MAGI2: variants seen among roughly 807,000 people sequenced by gnomAD.
The protein encoded by MAGI2 is membrane-associated guanylate kinase, WW and PDZ domain-containing protein 2.
A neutral mutation model predicts 133.3 loss-of-function variants in MAGI2; 35 were observed. That is an observed-to-expected ratio of 0.26 (90% confidence interval 0.20 to 0.35). The LOEUF (loss-of-function observed/expected upper bound fraction) is 0.35, where lower values mean the gene tolerates loss of function less well. Among genes scored for constraint, MAGI2 ranks in the 10% least tolerant of loss-of-function variants. The pLI is 1.00. For synonymous variants in MAGI2, 729 were observed against 710.6 expected, an observed-to-expected ratio of 1.03 and a Z score of -0.41; for missense variants, 1,636 against 1,863.4, an observed-to-expected ratio of 0.88 and a Z score of 2.25.
intron 21 of MAGI2, among the ~76,000 whole-genome samples, chr7:78,041,022 A>T (rs538476668): frequency 6.6e-6 from 1 of 152,282 alleles, no homozygotes; most frequent in East Asian, 1.9e-4. Context: ...TTGATGGGGA[A>T]AGATTGAAAC....
Position 78,649,183 on chromosome 7 carries a change from A to G in MAGI2, c.419-21944T>C, listed in dbSNP as rs1811230007. On this transcript the variant is annotated intron_variant, in intron 2 of 21. Transcript: ENST00000354212. ...CTTGTTGAAAGAAACAGTAATCTTCACTGTTTTATGCCTGTTTCTTTTTTG... is the reference window on the plus strand; with the variant it reads ...CTTGTTGAAAGAAACAGTAATCTTCGCTGTTTTATGCCTGTTTCTTTTTTG... Among the ~76,000 whole-genome samples the G allele has an allele frequency of 3.5e-5, 4 of 115,458 alleles. No homozygotes were observed. The Admixed American group carries it at 4.5e-4, about 13-fold the overall frequency. The allele number at this position is 115,458 out of a possible 152,430, so 75.7% of individuals were successfully genotyped here. A position where few individuals can be genotyped will look rare whatever the true frequency, so the allele number is the denominator to read the frequency against.
At chr7:78,786,864 C>A (rs1442013316) in intron 2 of MAGI2, among the ~76,000 whole-genome samples, 1 of 152,178 alleles carries the variant, frequency 6.6e-6, no homozygotes, top group Non-Finnish European at 1.5e-5. Flanking sequence ...CTTCCGCTCA[C>A]TTCTGTATCT....
intron 1 of MAGI2, chr7:79,009,107 T>C (rs369544343): frequency 6.6e-6 from 1 of 152,124 alleles, no homozygotes; most frequent in African/African-American, 2.4e-5. Flanking sequence ...GAACAACAGA[T>C]GTAGTCTCCT....
chr7:78,601,797 G>T (rs1005050079), intron 3 of MAGI2, among the ~76,000 whole-genome samples: 5 of 152,150 alleles, frequency 3.3e-5, no homozygotes, highest in Admixed American at 3.3e-4. Flanking sequence ...ATATTGCAAA[G>T]AAACAAAAAA....
Position 79,304,205 on chromosome 7 carries a change from G to GTGTGTC in MAGI2, c.301+148814_301+148815insGACACA, listed in dbSNP as rs1316990615. 5.5e-3 allele frequency among the ~76,000 whole-genome samples: 803 copies of GTGTGTC among 145,372 alleles called. 5 individuals carry two copies. The highest frequency in any genetic ancestry group is 0.019 in the African/African-American group (743 of 38,296). ...GATGTGTGTGTGTGTGTGTGTGTCT[G>GTGTGTC]TGTGTGTGTGTGTGTGTGTGTGTGT... On this transcript the variant is annotated intron_variant, in intron 1 of 21. Coordinates refer to ENST00000354212, the MANE Select transcript of MAGI2 (RefSeq NM_012301.4).
intron 2 of MAGI2, among the ~76,000 whole-genome samples, chr7:78,630,158 CA>C (rs746047177): frequency 2.9e-4 from 44 of 151,916 alleles, no homozygotes; most frequent in Non-Finnish European, 5.3e-4. Context: ...GTTTAACCCC[CA>C]AATCTCTAAA....
At chr7:79,026,175 T>C (rs1469141156) in intron 1 of MAGI2, among the ~76,000 whole-genome samples, 2 of 152,188 alleles carry the variant, frequency 1.3e-5, no homozygotes, top group Non-Finnish European at 2.9e-5. Context: ...AAAGAATACA[T>C]AATTAATCAA....
chr7:78,458,727 TG>T (rs1379376618), intron 6 of MAGI2, among the ~76,000 whole-genome samples: 7 of 151,768 alleles, frequency 4.6e-5, no homozygotes, highest in African/African-American at 1.2e-4. Context: ...CTCCGCCTCC[TG>T]GGTTCATGAC....
intron 3 of MAGI2, among the ~76,000 whole-genome samples, chr7:78,619,588 T>C (rs1310669482): frequency 3.9e-5 from 6 of 151,988 alleles, no homozygotes; most frequent in Non-Finnish European, 7.4e-5. Flanking sequence ...GAGAAAAAAG[T>C]GCTTAGAAAT....
intron 21 of MAGI2, among the ~76,000 whole-genome samples, chr7:78,028,512 G>T (rs1283812145): frequency 1.3e-5 from 2 of 152,130 alleles, no homozygotes; most frequent in African/African-American, 4.8e-5. Flanking sequence ...CTGCTGCGTG[G>T]ATCACATATG....
rs749549104 is a variant in MAGI2 at position 78,256,360 on chromosome 7, A to G, written c.1630T>C (p.Tyr544His). 7.4e-6 allele frequency: 12 copies of G among 1,613,972 alleles called. No homozygotes were observed. Among genetic ancestry groups the G allele is most frequent in the Non-Finnish European group, 9.3e-6 (11 of 1,180,006 alleles). The change falls in exon 10 of 22, where the codon TAT becomes CAT. Residue 544 changes from tyrosine to histidine, a missense_variant. Physicochemically the swap from Tyr to His is moderately conservative, Grantham distance 83 (BLOSUM62 2). This residue lies in a region of MAGI2 where 920 missense variants were observed against 1,093.5 expected (regional missense o/e 0.84). Coordinates refer to ENST00000354212, the MANE Select transcript of MAGI2 (RefSeq NM_012301.4). ...GAAATGTACTCCAAATATGTTTCATAGTTGTGTCTTCCATTGACCATCACT... is the reference window on the plus strand; with the variant it reads ...GAAATGTACTCCAAATATGTTTCATGGTTGTGTCTTCCATTGACCATCACT... ...PPVMVNGRHN[Y>H]ETYLEYISRT...
At chr7:78,623,229 T>C (rs930003635) in intron 3 of MAGI2, among the ~76,000 whole-genome samples, 1 of 152,074 alleles carries the variant, frequency 6.6e-6, no homozygotes, top group African/African-American at 2.4e-5. Context: ...AAAAGTCATA[T>C]TGTTAATCAT....
chr7:78,705,962 G>C (rs1424831303), intron 2 of MAGI2, among the ~76,000 whole-genome samples: 1 of 152,048 alleles, frequency 6.6e-6, no homozygotes, highest in Non-Finnish European at 1.5e-5. Context: ...TCTCAAATGG[G>C]CAACAAGCAC....
chr7:79,336,681 G>A (rs528112038), intron 1 of MAGI2, among the ~76,000 whole-genome samples: 31 of 152,008 alleles, frequency 2.0e-4, no homozygotes, highest in African/African-American at 6.3e-4. Flanking sequence ...TTAAGCTTCC[G>A]CCTGTAAGTG....
At chr7:79,042,004 C>T (rs986528132) in intron 1 of MAGI2, among the ~76,000 whole-genome samples, 6 of 151,862 alleles carry the variant, frequency 4.0e-5, no homozygotes, top group Non-Finnish European at 5.9e-5. Flanking sequence ...TAGGCTTCAC[C>T]AATATTAAAA....
chr7:78,455,451 A>T (rs1174007889), intron 6 of MAGI2, among the ~76,000 whole-genome samples: 1 of 152,152 alleles, frequency 6.6e-6, no homozygotes, highest in East Asian at 1.9e-4. Flanking sequence ...CAATACAACA[A>T]TGTAGACAGA....
chr7:79,079,133 T>C (rs868638975), intron 1 of MAGI2, among the ~76,000 whole-genome samples: 7 of 152,194 alleles, frequency 4.6e-5, no homozygotes, highest in Middle Eastern at 6.8e-3. Context: ...TCTCACCCCC[T>C]CCTCATTTCT....
At chr7:78,820,691 A>G (rs186998033) in intron 2 of MAGI2, among the ~76,000 whole-genome samples, 14 of 152,092 alleles carry the variant, frequency 9.2e-5, no homozygotes, top group African/African-American at 3.1e-4. Flanking sequence ...ATTGGTTTCT[A>G]GAGGCAATTA....
chr7:78,945,078 G>T (rs1284657024), intron 2 of MAGI2, among the ~76,000 whole-genome samples: 1 of 151,596 alleles, frequency 6.6e-6, no homozygotes, highest in Non-Finnish European at 1.5e-5. Context: ...TTTTTGAGAT[G>T]GAGTATTGCT....
Sources: allele counts gnomAD v4.1 joint callset (sites outside exome capture counted in the v4.1 genomes callset), GRCh38; gene constraint gnomAD v4.1.1; regional missense constraint gnomAD v4.1.1; transcripts MANE v1.5; gene names NCBI Gene and HGNC (gene_info 2026-07-23, HGNC 2026-07-21).